Variants in HPSE2 observed in about 807,000 individuals in gnomAD.
HPSE2 encodes the protein inactive heparanase-2.
HPSE2 carries 38 observed loss-of-function variants against 60.5 expected under a neutral mutation model. That is an observed-to-expected ratio of 0.63 (90% CI 0.48 to 0.82). HPSE2 has a LOEUF of 0.82. Among genes scored for constraint, HPSE2 ranks in the 40% least tolerant of loss-of-function variants. HPSE2 has a pLI of 0.00. For synonymous variants in HPSE2, 295 were observed against 293.2 expected (o/e 1.01, Z -0.06); for missense variants, 713 against 740.4 (o/e 0.96, Z 0.43).
chr10:99,170,463 A>C (rs1311678181), intron 2 of HPSE2, among the ~76,000 whole-genome samples: 1 of 152,214 alleles, frequency 6.6e-6, no homozygotes, highest in Non-Finnish European at 1.5e-5. Flanking sequence ...CATGCAATAC[A>C]ATTGGGTTGG....
chr10:99,164,151 C>A (rs1846960077), intron 2 of HPSE2, among the ~76,000 whole-genome samples: 2 of 144,144 alleles, frequency 1.4e-5, no homozygotes, highest in African/African-American at 5.1e-5. Flanking sequence ...TTTCTCAATC[C>A]CTCTACATTT....
chr10:99,078,987 C>T (rs890187999), intron 3 of HPSE2, among the ~76,000 whole-genome samples: 3 of 152,074 alleles, frequency 2.0e-5, no homozygotes, highest in African/African-American at 4.8e-5. Flanking sequence ...TCTTAGGCAG[C>T]CTCTGGAAAA....
At chr10:98,749,723 T>C (rs1949709803) in intron 3 of HPSE2, among the ~76,000 whole-genome samples, 1 of 150,758 alleles carries the variant, frequency 6.6e-6, no homozygotes, top group South Asian at 2.1e-4. Flanking sequence ...AGTTAGATGA[T>C]TTTGCCCAAC....
chr10:99,164,647 T>C (rs1052753681), intron 2 of HPSE2, among the ~76,000 whole-genome samples: 1 of 152,170 alleles, frequency 6.6e-6, no homozygotes, highest in Admixed American at 6.5e-5. Flanking sequence ...TACTAACTGA[T>C]GTACACATAT....
chr10:99,194,176 C>G (rs1053658506), intron 2 of HPSE2, among the ~76,000 whole-genome samples: 2 of 151,710 alleles, frequency 1.3e-5, no homozygotes, highest in Non-Finnish European at 2.9e-5. Context: ...AACTTATTGG[C>G]AGCACAATGA....
intron 3 of HPSE2, among the ~76,000 whole-genome samples, chr10:98,992,453 T>C (rs1956547511): frequency 6.6e-6 from 1 of 152,134 alleles, no homozygotes; most frequent in African/African-American, 2.4e-5. Context: ...ACTGGGGAGA[T>C]CAACAGGGAA....
chr10:98,872,017 A>G (rs1386314667), intron 3 of HPSE2, among the ~76,000 whole-genome samples: 1 of 152,196 alleles, frequency 6.6e-6, no homozygotes, highest in Non-Finnish European at 1.5e-5. Flanking sequence ...ACCTCTATCC[A>G]GAAGAGAAAC....
chr10:99,103,926 G>C (rs1027773089), intron 3 of HPSE2, among the ~76,000 whole-genome samples: 4 of 152,154 alleles, frequency 2.6e-5, no homozygotes, highest in Non-Finnish European at 5.9e-5. Flanking sequence ...AAACTGGCTA[G>C]CCATATGGAG....
At chr10:98,709,920 A>G (rs899937975) in intron 5 of HPSE2, among the ~76,000 whole-genome samples, 2 of 152,154 alleles carry the variant, frequency 1.3e-5, no homozygotes, top group African/African-American at 4.8e-5. Flanking sequence ...TAAATCCTTC[A>G]CCAGGAACTG....
At chr10:99,006,935 G>T (rs1023753051) in intron 3 of HPSE2, among the ~76,000 whole-genome samples, 18 of 152,128 alleles carry the variant, frequency 1.2e-4, no homozygotes, top group Non-Finnish European at 5.9e-5. Flanking sequence ...GGAGCCTGGG[G>T]CTTCCAGAGC....
At chr10:98,696,314 A>AC (rs1948215399) in intron 5 of HPSE2, among the ~76,000 whole-genome samples, 1 of 150,906 alleles carries the variant, frequency 6.6e-6, no homozygotes, top group Non-Finnish European at 1.5e-5. Flanking sequence ...AAAAAAAAAA[A>AC]AAAACCATAA....
intron 5 of HPSE2, among the ~76,000 whole-genome samples, chr10:98,716,404 T>C (rs573377309): frequency 1.3e-5 from 2 of 151,472 alleles, no homozygotes; most frequent in Non-Finnish European, 2.9e-5. Context: ...ACCTGCACAA[T>C]GTGCACAGGT....
intron 9 of HPSE2, among the ~76,000 whole-genome samples, chr10:98,600,879 ATATAC>A (rs1945387842): frequency 7.2e-6 from 1 of 139,440 alleles, no homozygotes; most frequent in Admixed American, 7.4e-5. Context: ...ATATATGTAT[ATATAC>A]ATATATACGT....
chr10:98,676,834 TTC>T (rs1210505725), intron 6 of HPSE2, among the ~76,000 whole-genome samples: 1 of 152,328 alleles, frequency 6.6e-6, no homozygotes, highest in South Asian at 2.1e-4. Context: ...GTGCATAGTA[TTC>T]TCTTTCTTAA....
At chr10:99,242,662 T>G in the HPSE2 span, among the ~76,000 whole-genome samples, 1 of 152,212 alleles carries the variant, frequency 6.6e-6, no homozygotes, top group African/African-American at 2.4e-5. Flanking sequence ...AAGCATCATA[T>G]TATATTGAAA....
At chr10:98,540,772 G>A (rs567324555) in intron 9 of HPSE2, among the ~76,000 whole-genome samples, 1 of 152,186 alleles carries the variant, frequency 6.6e-6, no homozygotes, top group African/African-American at 2.4e-5. Context: ...AGCACATTAA[G>A]ACTTATAAAC....
intron 3 of HPSE2, among the ~76,000 whole-genome samples, chr10:99,081,436 T>C (rs1002569091): frequency 6.6e-6 from 1 of 152,144 alleles, no homozygotes; most frequent in Admixed American, 6.5e-5. Flanking sequence ...AGGTGCCTCA[T>C]CTGCAAAACA....
chr10:98,878,474 G>C (rs566497762), intron 3 of HPSE2, among the ~76,000 whole-genome samples: 1 of 152,078 alleles, frequency 6.6e-6, no homozygotes, highest in Admixed American at 6.6e-5. Flanking sequence ...ATGAATAAGA[G>C]ATAAGCAGGA....
intron 7 of HPSE2, among the ~76,000 whole-genome samples, chr10:98,622,606 T>C (rs1946102944): frequency 6.6e-6 from 1 of 152,158 alleles, no homozygotes; most frequent in Admixed American, 6.5e-5. Context: ...ATTTGGAACA[T>C]ATTTTGGGTT....
Sources: gnomAD v4.1 joint callset for allele counts (sites outside exome capture counted in the v4.1 genomes callset) on GRCh38, gnomAD v4.1.1 for gene constraint, MANE v1.5 for transcripts, NCBI Gene and HGNC (gene_info 2026-07-23, HGNC 2026-07-21) for gene names.